The following DNAJC28 variants were observed in gnomAD, a reference collection of about 807,000 sequenced individuals.
DNAJC28 encodes the protein DnaJ heat shock protein family (Hsp40) member C28.
DNAJC28 carries 24 observed loss-of-function variants against 33.3 expected under a neutral mutation model. The observed-to-expected ratio is 0.72, with a 90% confidence interval of 0.52 to 1.01. The LOEUF (loss-of-function observed/expected upper bound fraction) is 1.01. Among genes scored for constraint, DNAJC28 ranks in the 50% least tolerant of loss-of-function variants. DNAJC28 has a pLI of 0.00. For synonymous variants in DNAJC28, 120 were observed against 147.2 expected, an observed-to-expected ratio of 0.82 and a Z score of 1.34; for missense variants, 442 against 455.2, an observed-to-expected ratio of 0.97 and a Z score of 0.26.
chr21:33,488,797 A>T lies in DNAJC28; in HGVS notation c.597T>A (p.Ala199=), dbSNP rs1323772578. ...TGAGGTCCTCCACTAAACGTTCTATAGCTTGCGTTATCTTTTGCTGTTTGC... is the reference window on the plus strand; with the variant it reads ...TGAGGTCCTCCACTAAACGTTCTATTGCTTGCGTTATCTTTTGCTGTTTGC... The part of the protein sequence containing the change: ...RQSKQQKITQ[A]IERLVEDLIQ... Residue 199 remains alanine (A), a synonymous_variant, in exon 2 of 2, where the codon GCT becomes GCA. Coordinates refer to ENST00000381947, the MANE Select transcript of DNAJC28 (RefSeq NM_001040192.3). The T allele has an allele frequency of 3.7e-6, 6 of 1,613,540 alleles. No homozygotes were observed. The African/African-American group carries it at 8.0e-5, about 22-fold the overall frequency.
intron 1 of DNAJC28, 71 bp from the exon 2 acceptor site, chr21:33,489,495 G>C (rs1033927214): frequency 3.3e-5 from 26 of 788,248 alleles, no homozygotes; most frequent in Non-Finnish European, 4.7e-5. Context: ...TCAGCAATAA[G>C]GTAAAAGATA....
At position 33,489,243 on chromosome 21, in the gene DNAJC28, C is replaced by T; in HGVS notation, c.151G>A (p.Glu51Lys). ...STHKSKKKIR[E>K]YYRLLNVEEG... The stretch of plus-strand genomic sequence containing the variant: ...TCCACGTTCAGCAGTCTATAATATT[C>T]TCTGATCTTCTTTTTGGATTTATGG... Residue 51 changes from glutamate (E) to lysine (K), a missense_variant, in exon 2 of 2, where the codon GAA (glutamate) becomes AAA (lysine). Glu to Lys is a moderately conservative substitution (Grantham distance 56). Transcript: ENST00000381947. 1 of 1,599,692 alleles carries T rather than the reference C, an allele frequency of 6.3e-7. No individual in the cohort carries two copies. Among genetic ancestry groups the T allele is most frequent in the Non-Finnish European group, 8.5e-7 (1 of 1,176,048 alleles).
At chr21:33,491,407 C>G (rs2084522636) in intron 1 of DNAJC28, 195 bp downstream of exon 1, 1 of 152,320 alleles carries the variant, frequency 6.6e-6, no homozygotes, top group African/African-American at 2.4e-5. Flanking sequence ...CCTGCCCCGC[C>G]CCCTCCTCAC....
chr21:33,490,368 A>G (rs1177252331), intron 1 of DNAJC28, among the ~76,000 whole-genome samples: 5 of 151,178 alleles, frequency 3.3e-5, no homozygotes, highest in African/African-American at 1.2e-4. Context: ...CGACCTCCCA[A>G]AGTGCTGGGA....
At position 33,489,164 on chromosome 21, in the gene DNAJC28, T is replaced by C. The variant is rs376754023; in HGVS notation, c.230A>G (p.Gln77Arg). Reference protein sequence around the residue: ...VRESFHKLAKQYHPDSGSNTA... With the variant: ...VRESFHKLAKRYHPDSGSNTA... ...ATTAGAGCCACTGTCAGGATGATATTGCTTGGCAAGCTTATGAAAAGATTC... is the reference window on the plus strand; with the variant it reads ...ATTAGAGCCACTGTCAGGATGATATCGCTTGGCAAGCTTATGAAAAGATTC... Residue 77 changes from glutamine (Q) to arginine (R), a missense_variant, in exon 2 of 2, where the codon CAA (glutamine) becomes CGA (arginine). Transcript: ENST00000381947. The C allele has an allele frequency of 5.0e-6, 8 of 1,611,946 alleles. No homozygotes were observed. The highest frequency in any genetic ancestry group is 6.8e-6 in the Non-Finnish European group (8 of 1,179,612).
At chr21:33,489,518 A>G (rs2084502069) in intron 1 of DNAJC28, 94 bp from the exon 2 acceptor site, 2 of 626,230 alleles carry the variant, frequency 3.2e-6, no homozygotes, top group Non-Finnish European at 5.0e-6. Context: ...GCATGAATTT[A>G]TAAGTACAAC....
At position 33,489,087 on chromosome 21, in the gene DNAJC28, G is replaced by A. The variant is rs2084495446; in HGVS notation, c.307C>T (p.Leu103Phe). Reference protein sequence around the residue: ...IRIEKAYRKVLSHVIEQTNAS... With the variant: ...IRIEKAYRKVFSHVIEQTNAS... ...TTTGTTTGTTCTATCACATGGGAGAGCACCTTTCTATAAGCTTTTTCAATC... is the reference window on the plus strand; with the variant it reads ...TTTGTTTGTTCTATCACATGGGAGAACACCTTTCTATAAGCTTTTTCAATC... Residue 103 changes from leucine to phenylalanine, a missense_variant, in exon 2 of 2, where the codon CTC becomes TTC. By Grantham distance (22) the Leu-to-Phe change is conservative. Coordinates refer to ENST00000381947, the MANE Select transcript of DNAJC28 (RefSeq NM_001040192.3). The A allele has an allele frequency of 6.2e-7, 1 of 1,613,674 alleles. No individual in the cohort carries two copies.
rs2084526507 is a variant in DNAJC28 at position 33,491,659 on chromosome 21, TA to T, written c.-90del. 2 of 152,284 alleles carry T rather than the reference TA, an allele frequency of 1.3e-5. No homozygotes were observed. The highest frequency in any genetic ancestry group is 4.1e-4 in the South Asian group (2 of 4,834). 9.4% of individuals were successfully genotyped at this position (152,284 alleles called of 1,614,324 possible). ...GGACAATCTTCCGCCAAACGAACTTTACCCCGGAGGACCCAGGCAGGGCACC... is the reference window on the plus strand; with the variant it reads ...GGACAATCTTCCGCCAAACGAACTTTCCCCGGAGGACCCAGGCAGGGCACC... On this transcript the variant is annotated 5_prime_UTR_variant, in exon 1 of 2. Coordinates refer to ENST00000381947, the MANE Select transcript of DNAJC28 (RefSeq NM_001040192.3).
rs751815903 is a variant in DNAJC28 at position 33,488,914 on chromosome 21, G to C, written c.480C>G (p.Asp160Glu). Residue 160 changes from aspartate to glutamate, a missense_variant, in exon 2 of 2, where the codon GAC becomes GAG. Transcript: ENST00000381947. ...ATTCCATCACTTGTTCAGCAGCACG[G>C]TCTGCCCTAAATTGCCTATAATGCT... ...REKHYRQFRA[D>E]RAAEQVMEYQ... is the part of the protein sequence containing the mutation. 36 of 1,612,900 alleles carry C rather than the reference G, an allele frequency of 2.2e-5. No homozygotes were observed. The highest frequency in any genetic ancestry group is 3.0e-5 in the Non-Finnish European group (35 of 1,179,942).
Position 33,488,859 on chromosome 21 carries a change from A to G in DNAJC28, c.535T>C (p.Phe179Leu). Residue 179 changes from phenylalanine (F) to leucine (L), a missense_variant, in exon 2 of 2, where the codon TTT (phenylalanine) becomes CTT (leucine). Transcript: ENST00000381947. ...YQKQKLQSQY[F>L]PDSVIVKNIR... Reference sequence around the variant, plus strand: ...TTTTTAACAATTACACTATCAGGAAAATACTGGCTTTGTAGTTTCTGCTTT... The same window carrying G: ...TTTTTAACAATTACACTATCAGGAAGATACTGGCTTTGTAGTTTCTGCTTT... 6.2e-7 allele frequency: 1 copy of G among 1,610,130 alleles called. No individual in the cohort carries two copies.
In DNAJC28 at chr21:33,488,586, G is replaced by A. The variant is rs1197468236; in HGVS notation, c.808C>T (p.Leu270Phe). Residue 270 changes from leucine (L) to phenylalanine (F), a missense_variant, in exon 2 of 2, where the codon CTC becomes TTC. Leu to Phe is a conservative substitution (Grantham distance 22). Coordinates refer to ENST00000381947, the MANE Select transcript of DNAJC28 (RefSeq NM_001040192.3). ...CTAGACACTAAAATTGCCTCTCTGA[G>A]TTGCTCAATAGTATCGCTTATTTCC... ...QKEISDTIEQ[L>F]REAILVSRKK... 3 of 1,613,586 alleles carry A rather than the reference G, an allele frequency of 1.9e-6. No homozygotes were observed. Among genetic ancestry groups the A allele is most frequent in the East Asian group, 2.2e-5 (1 of 44,892 alleles).
At chr21:33,490,606 T>C (rs2084513985) in intron 1 of DNAJC28, among the ~76,000 whole-genome samples, 2 of 149,104 alleles carry the variant, frequency 1.3e-5, no homozygotes, top group Middle Eastern at 7.0e-3. Context: ...AAACCCTGTC[T>C]CTACTAAAAA....
rs1339768762 is a variant in DNAJC28 at position 33,489,112 on chromosome 21, C to T, written c.282G>A (p.Arg94=). The T allele has an allele frequency of 1.9e-6, 3 of 1,613,732 alleles. No individual in the cohort carries two copies. Among genetic ancestry groups the T allele is most frequent in the African/African-American group, 1.3e-5 (1 of 74,878 alleles). The part of the protein sequence containing the change: ...SNTADSATFI[R]IEKAYRKVLS... Reference sequence around the variant, plus strand: ...GCACCTTTCTATAAGCTTTTTCAATCCTTATAAATGTTGCAGAATCAGCAG... The same window carrying T: ...GCACCTTTCTATAAGCTTTTTCAATTCTTATAAATGTTGCAGAATCAGCAG... The change falls in exon 2 of 2, where the codon AGG becomes AGA. Residue 94 remains arginine, a synonymous_variant. Transcript: ENST00000381947.
In DNAJC28 at chr21:33,489,222, C is replaced by T. The variant is rs556612434; in HGVS notation, c.172G>A (p.Val58Met). The change falls in exon 2 of 2, where the codon GTG becomes ATG. Residue 58 changes from valine to methionine, a missense_variant. By Grantham distance (21) the Val-to-Met change is conservative. Coordinates refer to ENST00000381947, the MANE Select transcript of DNAJC28 (RefSeq NM_001040192.3). ...TCATCTGCAGAGCATCCTTCCTCCA[C>T]GTTCAGCAGTCTATAATATTCTCTG... ...KIREYYRLLNVEEGCSADEVR... is the reference protein window; with the variant it reads ...KIREYYRLLNMEEGCSADEVR... 16 of 1,603,912 alleles carry T rather than the reference C, an allele frequency of 1.0e-5. No homozygotes were observed. The East Asian group carries it at 1.8e-4, about 18-fold the overall frequency.
chr21:33,489,741 C>T (rs902642026), intron 1 of DNAJC28, among the ~76,000 whole-genome samples: 3 of 150,838 alleles, frequency 2.0e-5, no homozygotes, highest in African/African-American at 4.9e-5. Flanking sequence ...CTGCCCGCCT[C>T]GGCCTCCCAA....
Position 33,488,729 on chromosome 21 carries a change from C to T in DNAJC28, c.665G>A (p.Gly222Glu). ...MAKGDFDNLS[G>E]KGKPLKKFSD... The stretch of plus-strand genomic sequence containing the variant: ...AAACTTTTTCAGAGGTTTTCCTTTC[C>T]CACTGAGATTGTCAAAGTCTCCTTT... Residue 222 changes from glycine to glutamate, a missense_variant, in exon 2 of 2, where the codon GGG becomes GAG. Transcript: ENST00000381947. 6.2e-7 allele frequency: 1 copy of T among 1,611,432 alleles called. No homozygotes were observed. The highest frequency in any genetic ancestry group is 8.5e-7 in the Non-Finnish European group (1 of 1,179,404).
rs755668453 is a variant in DNAJC28 at position 33,489,030 on chromosome 21, C to T, written c.364G>A (p.Asp122Asn). 5 of 1,604,824 alleles carry T rather than the reference C, an allele frequency of 3.1e-6. No individual in the cohort carries two copies. Among genetic ancestry groups the T allele is most frequent in the African/African-American group, 1.4e-5 (1 of 72,314 alleles). Residue 122 changes from aspartate (D) to asparagine (N), a missense_variant, in exon 2 of 2, where the codon GAT becomes AAT. Asp to Asn is a conservative substitution (Grantham distance 23). Transcript: ENST00000381947. ...GTTTTATATTTGAATTTTTCTACAT[C>T]TTCTTCTTCTTCACCTTTACTCTGA... ...ASQSKGEEEEDVEKFKYKTPQ... is the reference protein window; with the variant it reads ...ASQSKGEEEENVEKFKYKTPQ...
At chr21:33,489,463 A>T (rs2084501680) in intron 1 of DNAJC28, 39 bp from the exon 2 acceptor site, 1 of 1,095,586 alleles carries the variant, frequency 9.1e-7, no homozygotes, top group African/African-American at 1.6e-5. Context: ...ACAAAGTTGT[A>T]TTATCAGTTA....
rs930807962 is a variant in DNAJC28, at chr21:33,488,109, G to A, written c.*118C>T. On this transcript the variant is annotated 3_prime_UTR_variant, in exon 2 of 2. Coordinates refer to ENST00000381947, the MANE Select transcript of DNAJC28 (RefSeq NM_001040192.3). The stretch of plus-strand genomic sequence containing the variant: ...TTCTCACTCACACATCATTGGCTAT[G>A]TGATTAGTTTTGTGATAAGTACAAT... 3.8e-6 allele frequency: 3 copies of A among 796,356 alleles called. No individual in the cohort carries two copies. The highest frequency in any genetic ancestry group is 3.0e-5 in the East Asian group (1 of 32,888). The allele number at this position is 796,356 out of a possible 1,614,324, so 49.3% of individuals were successfully genotyped here.
Sources: allele counts gnomAD v4.1 joint callset (sites outside exome capture counted in the v4.1 genomes callset), GRCh38; gene constraint gnomAD v4.1.1; transcripts MANE v1.5; gene names NCBI Gene and HGNC (gene_info 2026-07-23, HGNC 2026-07-21).